DIAPH2: variants seen among roughly 807,000 people sequenced by gnomAD.
DIAPH2 encodes diaphanous related formin 2, also known as protein diaphanous homolog 2.
DIAPH2 carries 35 observed loss-of-function variants against 92.7 expected under a neutral mutation model. That is an observed-to-expected ratio of 0.38 (90% confidence interval 0.29 to 0.50). DIAPH2 has a LOEUF of 0.50. Among genes scored for constraint, DIAPH2 ranks in the 20% least tolerant of loss-of-function variants. The pLI is 0.94. For missense variants in DIAPH2, 701 were observed against 819.5 expected (o/e 0.86, Z 1.77); for synonymous variants, 301 against 280.4 (o/e 1.07, Z -0.73).
At chrX:97,151,730 G>A (rs2067287453) in intron 22 of DIAPH2, among the ~76,000 whole-genome samples, 1 of 111,402 alleles carries the variant, frequency 9.0e-6, no homozygotes, top group South Asian at 3.8e-4. Context: ...TTGCTTCAAT[G>A]TCAGTAAAAA....
Position 96,726,328 on chromosome X carries a change from C to T in DIAPH2, c.133-9430C>T, listed in dbSNP as rs778868161. ...TAGAAATAGTGCAAAAACCTGAGGA[C>T]ACAGTGGGAATCGAGAAAAACCTGG... On this transcript the variant is annotated intron_variant, in intron 1 of 26. Transcript: ENST00000324765. 1.7e-4 allele frequency among the ~76,000 whole-genome samples: 19 copies of T among 111,584 alleles called. No individual in the cohort carries two copies. In the South Asian group the frequency reaches 7.2e-3, roughly 42 times the overall value.
At chrX:97,003,341 T>C (rs181863658) in intron 17 of DIAPH2, among the ~76,000 whole-genome samples, 2 of 112,052 alleles carry the variant, frequency 1.8e-5, no homozygotes, top group East Asian at 5.6e-4. Context: ...CTGGATCATA[T>C]GGTAGCTCAA....
intron 22 of DIAPH2, among the ~76,000 whole-genome samples, chrX:97,234,007 T>C (rs1296072553): frequency 9.0e-6 from 1 of 110,545 alleles, no homozygotes; most frequent in Non-Finnish European, 1.9e-5. Flanking sequence ...GTAAGGAGAC[T>C]CAGTTGCATT....
chrX:97,318,034 AATTT>A (rs1187929065), intron 23 of DIAPH2, among the ~76,000 whole-genome samples: 2 of 111,493 alleles, frequency 1.8e-5, no homozygotes, highest in Admixed American at 1.9e-4. Flanking sequence ...AGAACACCAA[AATTT>A]ATTCTTACTA....
intron 17 of DIAPH2, among the ~76,000 whole-genome samples, chrX:97,067,428 C>T (rs5921287): frequency 0.29 from 32,577 of 110,596 alleles, 4,349 homozygotes; most frequent in South Asian, 0.49. Flanking sequence ...ATTTAGCAAA[C>T]GCCCATCTAC....
chrX:97,037,409 G>A (rs971013217), intron 17 of DIAPH2, among the ~76,000 whole-genome samples: 2 of 111,032 alleles, frequency 1.8e-5, no homozygotes, highest in African/African-American at 6.6e-5. Context: ...CACAAAATAG[G>A]GTCTCTTTCC....
At chrX:96,796,371 G>A (rs1485814445) in intron 4 of DIAPH2, among the ~76,000 whole-genome samples, 3 of 110,748 alleles carry the variant, frequency 2.7e-5, no homozygotes, top group Admixed American at 9.6e-5. Context: ...GTAGAGACGG[G>A]GTTGCACCAT....
At chrX:97,467,349 T>C (rs1479139192) in intron 26 of DIAPH2, among the ~76,000 whole-genome samples, 4 of 112,326 alleles carry the variant, frequency 3.6e-5, no homozygotes, top group African/African-American at 1.3e-4. Flanking sequence ...TTCAAAGATT[T>C]GAAATAAATG....
At chrX:96,954,157 T>C (rs966577755) in intron 15 of DIAPH2, 2 of 112,162 alleles carry the variant, frequency 1.8e-5, no homozygotes, top group Non-Finnish European at 3.8e-5. Flanking sequence ...CAGCTGTCAC[T>C]GCAGTGACTG....
intron 26 of DIAPH2, among the ~76,000 whole-genome samples, chrX:97,562,718 G>A (rs2071302850): frequency 9.0e-6 from 1 of 111,530 alleles, no homozygotes; most frequent in African/African-American, 3.3e-5. Flanking sequence ...AAAGTGAACT[G>A]TGTTCAGGAC....
intron 24 of DIAPH2, among the ~76,000 whole-genome samples, chrX:97,377,582 G>A (rs1408574651): frequency 8.9e-6 from 1 of 111,958 alleles, no homozygotes; most frequent in East Asian, 2.8e-4. Context: ...AGAAAAGAGG[G>A]TTAGCTCAGT....
chrX:96,830,936 T>C (rs1234274555), intron 4 of DIAPH2, among the ~76,000 whole-genome samples: 1 of 111,654 alleles, frequency 9.0e-6, no homozygotes, highest in Non-Finnish European at 1.9e-5. Context: ...GCACGTATCC[T>C]ACACGTAATC....
chrX:97,411,943 CAAT>C, intron 25 of DIAPH2, among the ~76,000 whole-genome samples: 1 of 111,395 alleles, frequency 9.0e-6, no homozygotes, highest in East Asian at 2.8e-4. Context: ...GACTCCCACA[CAAT>C]AATAATGGGA....
At chrX:97,312,581 C>G (rs1167329100) in intron 23 of DIAPH2, among the ~76,000 whole-genome samples, 1 of 110,527 alleles carries the variant, frequency 9.0e-6, no homozygotes, top group Non-Finnish European at 1.9e-5. Context: ...AACTCCTGAT[C>G]TCAGGTGATC....
At chrX:97,085,831 C>T (rs201010896) in intron 19 of DIAPH2, among the ~76,000 whole-genome samples, 1 of 111,987 alleles carries the variant, frequency 8.9e-6, no homozygotes, top group East Asian at 2.8e-4. Context: ...GCAAAATATA[C>T]TAAATACTTG....
intron 26 of DIAPH2, among the ~76,000 whole-genome samples, chrX:97,546,378 T>A (rs1310133925): frequency 8.9e-6 from 1 of 111,971 alleles, no homozygotes; most frequent in Non-Finnish European, 1.9e-5. Context: ...TTATAAAAGG[T>A]TGAGAGACTG....
Position 97,298,352 on chromosome X carries a change from C to G in DIAPH2, c.2845-49764C>G, listed in dbSNP as rs753053718. Among the ~76,000 whole-genome samples the G allele has an allele frequency of 7.2e-5, 7 of 97,882 alleles. No homozygotes were observed. The East Asian group carries it at 1.4e-3, about 19-fold the overall frequency. The allele number at this position is 97,882 out of a possible 115,157, so 85.0% of individuals were successfully genotyped here. ...AACGGTGAAGGAAGTGTTGTAGTTT[C>G]TAATTTTTTCAATATGGAAGTGAAT... On this transcript the variant is annotated intron_variant, in intron 23 of 26. Transcript: ENST00000324765.
chrX:97,367,726 G>A (rs1305272272), intron 24 of DIAPH2, among the ~76,000 whole-genome samples: 2 of 104,425 alleles, frequency 1.9e-5, no homozygotes, highest in African/African-American at 7.0e-5. Context: ...TTTTGAGATG[G>A]AGTTTCTCTC....
intron 17 of DIAPH2, among the ~76,000 whole-genome samples, chrX:96,975,620 C>G (rs930109021): frequency 1.8e-5 from 2 of 112,005 alleles, no homozygotes; most frequent in African/African-American, 6.5e-5. Context: ...GGGCTGCTAT[C>G]ACAAAATACC....
Sources: gnomAD v4.1 joint callset for allele counts (sites outside exome capture counted in the v4.1 genomes callset) on GRCh38, gnomAD v4.1.1 for gene constraint, MANE v1.5 for transcripts, NCBI Gene and HGNC (gene_info 2026-07-23, HGNC 2026-07-21) for gene names.